Variants in WSCD2 observed in about 807,000 individuals in gnomAD.
WSCD2 encodes WSC domain sialate O sulfotransferase 2.
A neutral mutation model predicts 55.7 loss-of-function variants in WSCD2; 28 were observed. That is an observed-to-expected ratio of 0.50 (90% CI 0.37 to 0.69). The LOEUF is 0.69. Among genes scored for constraint, WSCD2 ranks in the 30% least tolerant of loss-of-function variants. The pLI is 0.00. For synonymous variants in WSCD2, 301 were observed against 301.9 expected (o/e 1.00, Z 0.03); for missense variants, 616 against 762.1 (o/e 0.81, Z 2.26).
intron 1 of WSCD2, among the ~76,000 whole-genome samples, chr12:108,137,770 G>A (rs1286765271): frequency 6.6e-6 from 1 of 152,206 alleles, no homozygotes; most frequent in Non-Finnish European, 1.5e-5. Context: ...TGATCCCATG[G>A]CTAAACTAAT....
intron 6 of WSCD2, among the ~76,000 whole-genome samples, chr12:108,231,719 C>A (rs1045383373): frequency 1.3e-5 from 2 of 152,188 alleles, no homozygotes; most frequent in African/African-American, 2.4e-5. Flanking sequence ...CTGCTGTATA[C>A]CAGATATTGT....
chr12:108,169,091 C>T (rs1235277186), intron 1 of WSCD2, among the ~76,000 whole-genome samples: 5 of 152,170 alleles, frequency 3.3e-5, no homozygotes, highest in African/African-American at 9.7e-5. Context: ...AATGCAAGAC[C>T]TCTAGGTTGC....
chr12:108,219,745 T>A (rs528954711), intron 4 of WSCD2, among the ~76,000 whole-genome samples: 52 of 152,318 alleles, frequency 3.4e-4, no homozygotes, highest in African/African-American at 1.2e-3. Flanking sequence ...GGGCTTGGGA[T>A]CCCTGCAAGG....
intron 8 of WSCD2, among the ~76,000 whole-genome samples, chr12:108,245,100 G>A (rs1428898010): frequency 2.6e-5 from 4 of 152,274 alleles, no homozygotes; most frequent in African/African-American, 9.6e-5. Flanking sequence ...ATACCCAGTA[G>A]TGGGATTGCT....
At chr12:108,228,787 A>G (rs1166136127) in intron 6 of WSCD2, among the ~76,000 whole-genome samples, 7 of 152,226 alleles carry the variant, frequency 4.6e-5, no homozygotes, top group Admixed American at 4.6e-4. Flanking sequence ...GTGGTGATCA[A>G]CTGTGGCTGT....
chr12:108,162,900 T>G (rs2136944438), intron 1 of WSCD2, among the ~76,000 whole-genome samples: 1 of 152,276 alleles, frequency 6.6e-6, no homozygotes, highest in East Asian at 1.9e-4. Flanking sequence ...GCACAGGCTG[T>G]GTGTTGAGCC....
rs898082026 is a variant in WSCD2, at chr12:108,210,092, C to T, written c.498-29C>T. ...TGCCTCGGGGTCTCCATGGTGGCAG[C>T]TACCCTGCTTGACAGCAGCCTCCCC... On this transcript the variant is annotated intron_variant, in intron 3 of 8. Coordinates refer to ENST00000547525, the MANE Select transcript of WSCD2 (RefSeq NM_014653.4). This position sits in a 1 kb window ranked among gnomAD's most constrained non-coding sequence, Gnocchi z 4.3. The T allele has an allele frequency of 4.0e-5, 64 of 1,613,738 alleles. No homozygotes were observed. Among genetic ancestry groups the T allele is most frequent in the Non-Finnish European group, 5.4e-5 (64 of 1,179,908 alleles).
chr12:108,207,850 C>T (rs115710705), intron 3 of WSCD2, among the ~76,000 whole-genome samples: 3 of 151,804 alleles, frequency 2.0e-5, no homozygotes, highest in Non-Finnish European at 2.9e-5. Context: ...TGCAGGGGGG[C>T]GGGGGAAACA....
intron 4 of WSCD2, among the ~76,000 whole-genome samples, chr12:108,212,609 TCTCTCACA>T (rs1207070620): frequency 1.8e-5 from 2 of 111,024 alleles, no homozygotes; most frequent in African/African-American, 3.5e-5. Context: ...TCTCTCTCTC[TCTCTCACA>T]CACACACACA....
At chr12:108,171,527 C>T (rs1294310407) in intron 1 of WSCD2, 3 of 152,210 alleles carry the variant, frequency 2.0e-5, no homozygotes, top group Admixed American at 6.5e-5. Context: ...TAATGCTTCA[C>T]ACTTATGTTG....
At chr12:108,136,135 A>G (rs1876187124) in intron 1 of WSCD2, among the ~76,000 whole-genome samples, 1 of 152,204 alleles carries the variant, frequency 6.6e-6, no homozygotes, top group East Asian at 1.9e-4. Context: ...GGGTCAGAAG[A>G]GGTGCAGTAA....
At chr12:108,163,583 T>G (rs866009873) in intron 1 of WSCD2, among the ~76,000 whole-genome samples, 1 of 152,076 alleles carries the variant, frequency 6.6e-6, no homozygotes, top group Non-Finnish European at 1.5e-5. Flanking sequence ...TCCTGGATTC[T>G]CCAAGTGGTC....
chr12:108,168,723 G>A (rs1879918905), intron 1 of WSCD2, among the ~76,000 whole-genome samples: 1 of 152,164 alleles, frequency 6.6e-6, no homozygotes, highest in Admixed American at 6.5e-5. Context: ...GAATGGTTCT[G>A]AAATCCAAGT....
intron 8 of WSCD2, among the ~76,000 whole-genome samples, chr12:108,243,476 C>T (rs1460916535): frequency 6.6e-6 from 1 of 152,176 alleles, no homozygotes; most frequent in Non-Finnish European, 1.5e-5. Context: ...CCTCGTGATC[C>T]ACCTGCCTCT....
chr12:108,160,897 A>G (rs1878991592), intron 1 of WSCD2, among the ~76,000 whole-genome samples: 1 of 152,196 alleles, frequency 6.6e-6, no homozygotes, highest in South Asian at 2.1e-4. Flanking sequence ...CGAGCTTTGC[A>G]ACCCCTGGCC....
At chr12:108,209,936 C>T (rs1885906792) in intron 3 of WSCD2, among the ~76,000 whole-genome samples, 185 bp from the exon 4 acceptor site, 1 of 152,036 alleles carries the variant, frequency 6.6e-6, no homozygotes, top group African/African-American at 2.4e-5. Context: ...GTCTCCTGTC[C>T]CCTGAGGTCT....
chr12:108,246,531 A>T (rs1005578222), intron 8 of WSCD2, among the ~76,000 whole-genome samples: 4 of 152,046 alleles, frequency 2.6e-5, no homozygotes, highest in Non-Finnish European at 5.9e-5. Context: ...CCCCTTCTGC[A>T]CTTTCCCCAG....
intron 1 of WSCD2, among the ~76,000 whole-genome samples, chr12:108,130,580 A>G (rs1875401133): frequency 6.6e-6 from 1 of 151,452 alleles, no homozygotes; most frequent in Non-Finnish European, 1.5e-5. Context: ...CCTCCTTGCA[A>G]GCCTTTCCAG....
At chr12:108,202,757 C>G (rs41314119) in intron 2 of WSCD2, among the ~76,000 whole-genome samples, 1 of 152,152 alleles carries the variant, frequency 6.6e-6, no homozygotes, top group African/African-American at 2.4e-5. Context: ...TTGGGTACTA[C>G]GCTTAATACC....
Sources: allele counts gnomAD v4.1 joint callset (sites outside exome capture counted in the v4.1 genomes callset), GRCh38; gene constraint gnomAD v4.1.1; non-coding constraint Gnocchi (gnomAD v3.1); transcripts MANE v1.5; gene names NCBI Gene and HGNC (gene_info 2026-07-23, HGNC 2026-07-21).